The following EDNRA variants were observed in gnomAD, a reference collection of about 807,000 sequenced individuals.
The protein encoded by EDNRA is endothelin-1 receptor.
A neutral mutation model predicts 41.4 loss-of-function variants in EDNRA; 11 were observed. The ratio of observed to expected loss-of-function variants is 0.27; its 90% CI spans 0.17 to 0.44. The LOEUF (loss-of-function observed/expected upper bound fraction) is 0.44. Ranked by LOEUF, EDNRA falls within the 20% of genes least tolerant of loss-of-function variation. The probability of loss-of-function intolerance (pLI) is 1.00; values close to 1 mark genes in which losing one functional copy is unlikely to be tolerated. For synonymous variants in EDNRA, 172 were observed against 183.0 expected (o/e 0.94, Z 0.49); for missense variants, 294 against 531.0 (o/e 0.55, Z 4.39).
Position 147,507,285 on chromosome 4 carries a change from C to A in EDNRA, c.421-12566C>A, listed in dbSNP as rs190507340. 1.0e-3 allele frequency among the ~76,000 whole-genome samples: 155 copies of A among 151,866 alleles called. 2 individuals are homozygous for A. Among genetic ancestry groups the A allele is most frequent in the South Asian group, 8.5e-3 (41 of 4,806 alleles). Reference sequence around the variant, plus strand: ...TGTAATAGCCAAACCCTGAAGACAACTCAGATGTTCTTCAATGTGAGTGGT... The same window carrying A: ...TGTAATAGCCAAACCCTGAAGACAAATCAGATGTTCTTCAATGTGAGTGGT... On this transcript the variant is annotated intron_variant, in intron 2 of 7. Coordinates refer to ENST00000651419, the MANE Select transcript of EDNRA (RefSeq NM_001957.4).
intron 2 of EDNRA, among the ~76,000 whole-genome samples, chr4:147,515,205 T>C (rs1243586892): frequency 1.3e-5 from 2 of 152,190 alleles, no homozygotes; most frequent in Middle Eastern, 3.2e-3. Flanking sequence ...GCACCAGTGA[T>C]ATTTGGGTGG....
intron 3 of EDNRA, among the ~76,000 whole-genome samples, chr4:147,527,408 C>A (rs528953368): frequency 6.6e-6 from 1 of 152,196 alleles, no homozygotes; most frequent in Admixed American, 6.5e-5. Context: ...ATAAGGGCCA[C>A]GCCCGTGTAG....
chr4:147,528,069 G>A (rs1226550804), intron 3 of EDNRA, among the ~76,000 whole-genome samples: 2 of 152,156 alleles, frequency 1.3e-5, no homozygotes, highest in Admixed American at 1.3e-4. Flanking sequence ...ATTAGCTTTA[G>A]CCAATTAAGG....
chr4:147,505,229 GAGAGACA>G, intron 2 of EDNRA, among the ~76,000 whole-genome samples: 1 of 143,862 alleles, frequency 7.0e-6, no homozygotes, highest in African/African-American at 2.5e-5. Context: ...GAGAGAGAGA[GAGAGACA>G]ACATCTAATT....
At chr4:147,485,320 A>G (rs1728904816) in intron 1 of EDNRA, among the ~76,000 whole-genome samples, 1 of 151,476 alleles carries the variant, frequency 6.6e-6, no homozygotes, top group Non-Finnish European at 1.5e-5. Context: ...ATAGAGACAG[A>G]GATAGATAGC....
intron 3 of EDNRA, among the ~76,000 whole-genome samples, chr4:147,524,224 T>C (rs1343023384): frequency 1.3e-5 from 2 of 151,754 alleles, no homozygotes; most frequent in Non-Finnish European, 2.9e-5. Flanking sequence ...GGTGCAGAGC[T>C]GGTTCCTCCT....
intron 3 of EDNRA, among the ~76,000 whole-genome samples, 193 bp from the exon 4 acceptor site, chr4:147,532,313 G>A (rs1416843812): frequency 1.1e-4 from 13 of 117,722 alleles, no homozygotes; most frequent in Admixed American, 3.7e-4. Flanking sequence ...GCAACAGAGC[G>A]AGATTTTGCC....
chr4:147,541,598 T>G (rs1578820814), intron 7 of EDNRA, among the ~76,000 whole-genome samples: 1 of 152,096 alleles, frequency 6.6e-6, no homozygotes, highest in East Asian at 1.9e-4. Flanking sequence ...TCAATATGAG[T>G]TGATTACTAT....
chr4:147,494,785 C>T (rs1216551671), intron 2 of EDNRA: 1 of 152,158 alleles, frequency 6.6e-6, no homozygotes, highest in Non-Finnish European at 1.5e-5. Flanking sequence ...AAGTCTTTGG[C>T]TTTTTTCTCT....
chr4:147,508,547 A>T (rs1435553976), intron 2 of EDNRA, among the ~76,000 whole-genome samples: 1 of 152,236 alleles, frequency 6.6e-6, no homozygotes, highest in Admixed American at 6.5e-5. Flanking sequence ...CCAAGATCAC[A>T]AAGAATTTCT....
chr4:147,507,544 G>T (rs775325757), intron 2 of EDNRA, among the ~76,000 whole-genome samples: 38 of 152,218 alleles, frequency 2.5e-4, no homozygotes, highest in Admixed American at 1.2e-3. Context: ...ATGGGAAGGG[G>T]AGAGAAGGGA....
Position 147,535,853 on chromosome 4 carries a change from CTTTTT to C in EDNRA, c.748-15_748-11del. 1 of 1,248,698 alleles carries C rather than the reference CTTTTT, an allele frequency of 8.0e-7. No homozygotes were observed. Among genetic ancestry groups the C allele is most frequent in the Non-Finnish European group, 1.1e-6 (1 of 917,270 alleles). The allele number at this position is 1,248,698 out of a possible 1,614,324, so 77.4% of individuals were successfully genotyped here. On this transcript the variant is annotated intron_variant, in intron 4 of 7. Coordinates refer to ENST00000651419, the MANE Select transcript of EDNRA (RefSeq NM_001957.4). ...GACATGACTCTGCTCCTCCTTTTCT[CTTTTT>C]TTTTTTTTCACTTTGAAGTTCTACC...
chr4:147,538,484 T>C (rs561267564), intron 5 of EDNRA, among the ~76,000 whole-genome samples: 1 of 152,312 alleles, frequency 6.6e-6, no homozygotes, highest in East Asian at 1.9e-4. Flanking sequence ...TATCAGACTA[T>C]CATGGCAGTG....
At chr4:147,532,353 C>T (rs1482274719) in intron 3 of EDNRA, among the ~76,000 whole-genome samples, 153 bp from the exon 4 acceptor site, 1 of 141,568 alleles carries the variant, frequency 7.1e-6, no homozygotes, top group African/African-American at 2.8e-5. Flanking sequence ...AAAAAAAACC[C>T]ACTTGGTTTT....
At chr4:147,481,397 T>C (rs1489776405) in intron 1 of EDNRA, 21 bp downstream of exon 1, 1 of 152,386 alleles carries the variant, frequency 6.6e-6, no homozygotes, top group African/African-American at 2.4e-5. Flanking sequence ...GTCTTTCTTA[T>C]CGGGGACTGG....
At chr4:147,506,218 T>C (rs557659329) in intron 2 of EDNRA, 11 of 521,830 alleles carry the variant, frequency 2.1e-5, no homozygotes, top group African/African-American at 3.9e-5. Context: ...CTTGCAAATA[T>C]TCATGATATT....
chr4:147,540,235 A>G (rs1731052389), intron 6 of EDNRA, 142 bp from the exon 7 acceptor site: 2 of 785,214 alleles, frequency 2.5e-6, no homozygotes, highest in East Asian at 2.7e-5. Context: ...CGTTTAAACA[A>G]GCACTTTTTA....
rs1207546285 is a variant in EDNRA at position 147,481,139 on chromosome 4, G to A, written c.-308G>A. 6.6e-6 allele frequency: 1 copy of A among 152,312 alleles called. No individual in the cohort carries two copies. Among genetic ancestry groups the A allele is most frequent in the Non-Finnish European group, 1.5e-5 (1 of 68,112 alleles). The allele number at this position is 152,312 out of a possible 1,614,324, so 9.4% of individuals were successfully genotyped here. ...GACGATTGTGGAGAGGCGGTGGAGA[G>A]GCTTCATCCATCCCACCCGGTCGTC... On this transcript the variant is annotated 5_prime_UTR_variant, in exon 1 of 8. Transcript: ENST00000651419.
intron 2 of EDNRA, among the ~76,000 whole-genome samples, chr4:147,518,009 A>T (rs530463218): frequency 6.6e-6 from 1 of 152,288 alleles, no homozygotes; most frequent in South Asian, 2.1e-4. Flanking sequence ...TGGGAAATCC[A>T]TTCATGTGGA....
Sources: allele counts gnomAD v4.1 joint callset (sites outside exome capture counted in the v4.1 genomes callset), GRCh38; gene constraint gnomAD v4.1.1; transcripts MANE v1.5; gene names NCBI Gene and HGNC (gene_info 2026-07-23, HGNC 2026-07-21).